The following ST3GAL3 variants were observed in gnomAD, a reference collection of about 807,000 sequenced individuals.
The protein encoded by ST3GAL3 is ST3 beta-galactoside alpha-2,3-sialyltransferase 3, also known as CMP-N-acetylneuraminate-beta-1,4-galactoside alpha-2,3-sialyltransferase.
In ST3GAL3, 21 loss-of-function variants were observed where a neutral mutation model predicts 50.1. The ratio of observed to expected loss-of-function variants is 0.42; its 90% CI spans 0.30 to 0.60. The LOEUF (loss-of-function observed/expected upper bound fraction) is 0.60, where lower values mean the gene tolerates loss of function less well. Among genes scored for constraint, ST3GAL3 ranks in the 20% least tolerant of loss-of-function variants. The pLI is 0.19. For synonymous variants in ST3GAL3, 183 were observed against 190.0 expected (o/e 0.96, Z 0.30); for missense variants, 353 against 489.4 (o/e 0.72, Z 2.63).
chr1:43,904,588 G>A (rs2078833705), intron 9 of ST3GAL3, among the ~76,000 whole-genome samples: 1 of 151,830 alleles, frequency 6.6e-6, no homozygotes, highest in Non-Finnish European at 1.5e-5. Context: ...CTCAAGAATG[G>A]GGACTCCCTC....
At chr1:43,879,134 T>G in intron 5 of ST3GAL3, 1 of 448,830 alleles carries the variant, frequency 2.2e-6, no homozygotes, top group Non-Finnish European at 4.5e-6. Context: ...TCAACAGAAA[T>G]CTGAATGAAA....
chr1:43,715,911 G>A (rs919374769), intron 1 of ST3GAL3, among the ~76,000 whole-genome samples: 1 of 152,172 alleles, frequency 6.6e-6, no homozygotes, highest in South Asian at 2.1e-4. Context: ...AGTGAACAAG[G>A]CAAAGAATGT....
chr1:43,725,106 T>C (rs563416713), intron 1 of ST3GAL3, among the ~76,000 whole-genome samples: 1 of 152,350 alleles, frequency 6.6e-6, no homozygotes, highest in South Asian at 2.1e-4. Flanking sequence ...ATAAGATGCA[T>C]GTATGTGGAG....
intron 9 of ST3GAL3, among the ~76,000 whole-genome samples, chr1:43,901,535 A>G (rs3791104): frequency 0.04 from 6,141 of 152,318 alleles, 148 homozygotes; most frequent in East Asian, 0.13. Context: ...GTAAGGAAAG[A>G]AAGAAGAAAA....
intron 1 of ST3GAL3, among the ~76,000 whole-genome samples, chr1:43,726,058 A>G (rs1396511625): frequency 6.6e-6 from 1 of 152,154 alleles, no homozygotes; most frequent in Non-Finnish European, 1.5e-5. Context: ...TCTCATTTAG[A>G]TGTTTATTTG....
At chr1:43,893,585 G>GC (rs1362716201) in intron 5 of ST3GAL3, among the ~76,000 whole-genome samples, 1 of 151,810 alleles carries the variant, frequency 6.6e-6, no homozygotes, top group African/African-American at 2.4e-5. Context: ...TCCCCTCCCT[G>GC]CCCATTCCAA....
At chr1:43,857,013 G>T (rs1242862242) in intron 5 of ST3GAL3, among the ~76,000 whole-genome samples, 1 of 152,050 alleles carries the variant, frequency 6.6e-6, no homozygotes, top group African/African-American at 2.4e-5. Context: ...GAATCCTGCA[G>T]ACCTAGCTGG....
chr1:43,812,781 A>G (rs1251010920), intron 3 of ST3GAL3, among the ~76,000 whole-genome samples: 2 of 152,194 alleles, frequency 1.3e-5, no homozygotes, highest in African/African-American at 4.8e-5. Context: ...TCTCTTAATG[A>G]AAGAGAGAAA....
intron 5 of ST3GAL3, chr1:43,879,294 T>C (rs1266739784): frequency 2.2e-6 from 1 of 456,176 alleles, no homozygotes; most frequent in South Asian, 1.5e-5. Flanking sequence ...ACGTGAGCAT[T>C]GGGCCCTTTA....
intron 1 of ST3GAL3, among the ~76,000 whole-genome samples, chr1:43,718,525 T>C (rs912375480): frequency 3.3e-5 from 5 of 151,442 alleles, no homozygotes; most frequent in African/African-American, 1.2e-4. Context: ...GCTTGAGTTT[T>C]TTTTTATTTT....
At chr1:43,833,343 A>G (rs1164893941) in intron 4 of ST3GAL3, among the ~76,000 whole-genome samples, 1 of 152,126 alleles carries the variant, frequency 6.6e-6, no homozygotes, top group Non-Finnish European at 1.5e-5. Flanking sequence ...ATATTCTATG[A>G]GAGAAAGATA....
intron 9 of ST3GAL3, among the ~76,000 whole-genome samples, chr1:43,908,389 A>G (rs1021791528): frequency 1.1e-4 from 16 of 152,202 alleles, no homozygotes; most frequent in Non-Finnish European, 2.1e-4. Context: ...TCCTTCTCAT[A>G]CCAGCAGCAC....
intron 1 of ST3GAL3, 142 bp from the exon 2 acceptor site, chr1:43,736,091 C>A: frequency 2.7e-6 from 2 of 733,312 alleles, no homozygotes; most frequent in East Asian, 2.8e-5. Flanking sequence ...TGGGGATGAG[C>A]AGGTTAGAAG....
At chr1:43,873,509 G>T (rs1238403070) in intron 5 of ST3GAL3, among the ~76,000 whole-genome samples, 1 of 152,188 alleles carries the variant, frequency 6.6e-6, no homozygotes, top group Non-Finnish European at 1.5e-5. Context: ...GAAGGGCCAG[G>T]TGTGGTGGTT....
At chr1:43,924,681 A>G (rs940913692) in intron 11 of ST3GAL3, among the ~76,000 whole-genome samples, 7 of 152,202 alleles carry the variant, frequency 4.6e-5, no homozygotes, top group African/African-American at 1.4e-4. Flanking sequence ...TTTGGCTGAG[A>G]CAATGAGAGG....
chr1:43,721,604 C>T (rs967824768), intron 1 of ST3GAL3, among the ~76,000 whole-genome samples: 5 of 150,280 alleles, frequency 3.3e-5, no homozygotes, highest in African/African-American at 1.2e-4. Flanking sequence ...GTGCCTGGCT[C>T]TTTTTTTGTT....
At chr1:43,796,800 A>G (rs1424498595) in intron 3 of ST3GAL3, among the ~76,000 whole-genome samples, 3 of 152,246 alleles carry the variant, frequency 2.0e-5, no homozygotes, top group Non-Finnish European at 4.4e-5. Flanking sequence ...GAATAATCTA[A>G]TAAAGACTTT....
intron 2 of ST3GAL3, among the ~76,000 whole-genome samples, chr1:43,754,418 C>T (rs976245827): frequency 2.0e-5 from 3 of 152,182 alleles, no homozygotes; most frequent in African/African-American, 7.2e-5. Context: ...TCTCTAACTC[C>T]TGACCTCAAG....
At chr1:43,777,538 A>G (rs937118260) in intron 2 of ST3GAL3, among the ~76,000 whole-genome samples, 3 of 152,212 alleles carry the variant, frequency 2.0e-5, no homozygotes, top group Non-Finnish European at 2.9e-5. Context: ...TGATGCTGGG[A>G]GAACTGGCTA....
Sources: allele counts gnomAD v4.1 joint callset (sites outside exome capture counted in the v4.1 genomes callset), GRCh38; gene constraint gnomAD v4.1.1; transcripts MANE v1.5; gene names NCBI Gene and HGNC (gene_info 2026-07-23, HGNC 2026-07-21).